The following DSN1 variants were observed in gnomAD, a reference collection of about 807,000 sequenced individuals.
The protein encoded by DSN1 is DSN1 component of MIS12 kinetochore complex, also known as kinetochore-associated protein DSN1 homolog.
In DSN1, 31 loss-of-function variants were observed where a neutral mutation model predicts 45.7. The ratio of observed to expected loss-of-function variants is 0.68; its 90% CI spans 0.51 to 0.92. DSN1 has a LOEUF of 0.92. DSN1 is among the 40% of genes least tolerant of loss of function. DSN1 has a pLI of 0.00. For missense variants in DSN1, 394 were observed against 414.2 expected (o/e 0.95, Z 0.42); for synonymous variants, 134 against 142.3 (o/e 0.94, Z 0.41).
chr20:36,770,772 T>C, intron 3 of DSN1, 101 bp downstream of exon 3: 2 of 1,325,344 alleles, frequency 1.5e-6, no homozygotes, highest in East Asian at 4.6e-5. Context: ...TCATGTCTAT[T>C]CTCCCACACT....
intron 6 of DSN1, 38 bp from the exon 7 acceptor site, chr20:36,758,655 G>T: frequency 6.4e-7 from 1 of 1,553,742 alleles, no homozygotes; most frequent in East Asian, 2.3e-5. Flanking sequence ...AATCTTTCAA[G>T]AAATATTTGC....
At chr20:36,771,350 G>T in intron 2 of DSN1, 75 bp downstream of exon 2, 2 of 1,528,222 alleles carry the variant, frequency 1.3e-6, no homozygotes, top group Non-Finnish European at 1.8e-6. Flanking sequence ...TCTACCAGGA[G>T]CCAGGAAAGA....
rs1986401307 is a variant in DSN1 at position 36,751,905 on chromosome 20, A to AGGT, written c.*880_*882dup. 7.4e-6 allele frequency: 1 copy of AGGT among 135,288 alleles called. No homozygotes were observed. Among genetic ancestry groups the AGGT allele is most frequent in the African/African-American group, 3.9e-5 (1 of 25,526 alleles). The allele number at this position is 135,288 out of a possible 1,614,324, so 8.4% of individuals were successfully genotyped here. A position where few individuals can be genotyped will look rare whatever the true frequency, so the allele number is the denominator to read the frequency against. On this transcript the variant is annotated 3_prime_UTR_variant, in exon 11 of 11. Transcript: ENST00000373750. Reference sequence around the variant, plus strand: ...CTTTCTTGTCATGAATCCAGGATTTAGGTCAACTCAATATGAAAAACTGAA... The same window carrying AGGT: ...CTTTCTTGTCATGAATCCAGGATTTAGGTGGTCAACTCAATATGAAAAACTGAA...
At chr20:36,758,066 T>C in intron 8 of DSN1, 21 bp downstream of exon 8, 1 of 1,608,704 alleles carries the variant, frequency 6.2e-7, no homozygotes, top group African/African-American at 1.3e-5. Context: ...TTAAAGAGTT[T>C]TTACAGTTCA....
Position 36,770,907 on chromosome 20 carries a change from C to A in DSN1, c.321G>T (p.Arg107=). 1 of 1,613,414 alleles carries A rather than the reference C, an allele frequency of 6.2e-7. No homozygotes were observed. Among genetic ancestry groups the A allele is most frequent in the Non-Finnish European group, 8.5e-7 (1 of 1,179,982 alleles). Reference sequence around the variant, plus strand: ...CCTGGTGAATGGGATGCAGCGACTTCCGCCGGTTCGTTTCTTTCATACTTG... The same window carrying A: ...CCTGGTGAATGGGATGCAGCGACTTACGCCGGTTCGTTTCTTTCATACTTG... The part of the protein sequence containing the change: ...RRASMKETNR[R]KSLHPIHQGI... The change falls in exon 3 of 11, where the codon CGG becomes CGT. Residue 107 remains arginine (R), a synonymous_variant. Coordinates refer to ENST00000373750, the MANE Select transcript of DSN1 (RefSeq NM_001145315.2).
intron 3 of DSN1, among the ~76,000 whole-genome samples, chr20:36,770,104 C>T (rs925634736): frequency 3.6e-4 from 54 of 152,026 alleles, no homozygotes; most frequent in African/African-American, 1.2e-3. Context: ...CTTACTTTGT[C>T]ACCCAGGATA....
In DSN1 at chr20:36,763,646, T is replaced by A. The variant is rs193009257; in HGVS notation, c.503-1098A>T. On this transcript the variant is annotated intron_variant, in intron 5 of 10. Transcript: ENST00000373750. ...GCTCATGCCTATAATCCCAGCACTT[T>A]GGGAGGCCAAGGCGGGCAGATCACG... is the stretch of plus-strand genomic sequence containing the variant. 7.1e-4 allele frequency among the ~76,000 whole-genome samples: 108 copies of A among 151,430 alleles called. 3 individuals are homozygous for A. The East Asian group carries it at 0.02, about 28-fold the overall frequency.
At chr20:36,753,955 G>A (rs1485680765) in intron 10 of DSN1, among the ~76,000 whole-genome samples, 17 of 150,402 alleles carry the variant, frequency 1.1e-4, no homozygotes, top group African/African-American at 3.7e-4. Flanking sequence ...GCAGTGAGCC[G>A]AGATCGCACC....
At chr20:36,758,266 G>C (rs1251755315) in intron 7 of DSN1, 105 bp from the exon 8 acceptor site, 4 of 1,092,034 alleles carry the variant, frequency 3.7e-6, no homozygotes, top group Non-Finnish European at 5.5e-6. Flanking sequence ...TGTAAAATGT[G>C]AGTTGACAGG....
rs905937611 is a variant in DSN1 at position 36,752,503 on chromosome 20, C to A, written c.*285G>T. 3.4e-6 allele frequency: 1 copy of A among 297,876 alleles called. No homozygotes were observed. The highest frequency in any genetic ancestry group is 2.2e-5 in the African/African-American group (1 of 46,154). 18.5% of individuals were successfully genotyped at this position (297,876 alleles called of 1,614,324 possible). On this transcript the variant is annotated 3_prime_UTR_variant, in exon 11 of 11. Coordinates refer to ENST00000373750, the MANE Select transcript of DSN1 (RefSeq NM_001145315.2). ...GATTGTTTCAAAACCTGAAAAACAC[C>A]TTCACAGGATAAAGATAAAAGAATG...
chr20:36,763,717 T>C (rs1344216084), intron 5 of DSN1, among the ~76,000 whole-genome samples: 3 of 151,170 alleles, frequency 2.0e-5, no homozygotes, highest in Non-Finnish European at 4.4e-5. Flanking sequence ...TGAAACCCCA[T>C]CTCTACTAAA....
intron 6 of DSN1, among the ~76,000 whole-genome samples, chr20:36,762,083 C>T (rs1160023759): frequency 1.4e-5 from 2 of 147,580 alleles, no homozygotes; most frequent in Non-Finnish European, 3.0e-5. Flanking sequence ...TATCTAATTA[C>T]AACAAAAGTC....
At chr20:36,768,706 T>C (rs1251579512) in intron 3 of DSN1, among the ~76,000 whole-genome samples, 2 of 152,204 alleles carry the variant, frequency 1.3e-5, no homozygotes, top group East Asian at 1.9e-4. Flanking sequence ...GGACAGGCAC[T>C]GCAATGTGCT....
At chr20:36,770,843 C>T in intron 3 of DSN1, 30 bp downstream of exon 3, 5 of 1,571,184 alleles carry the variant, frequency 3.2e-6, no homozygotes, top group South Asian at 1.2e-5. Flanking sequence ...TGAGCTGGAA[C>T]CTCACTGTCT....
rs1239506848 is a variant in DSN1 at position 36,773,747 on chromosome 20, A to G, written c.-101T>C. The G allele has an allele frequency of 1.4e-5, 14 of 985,392 alleles. No homozygotes were observed. Among genetic ancestry groups the G allele is most frequent in the Non-Finnish European group, 1.7e-5 (14 of 829,974 alleles). The allele number at this position is 985,392 out of a possible 1,614,324, so 61.0% of individuals were successfully genotyped here. A position where few individuals can be genotyped will look rare whatever the true frequency, so the allele number is the denominator to read the frequency against. ...CACCCGCAGCCGATACTCCCTGATC[A>G]GGGTGAAGCGGTCTCCACCTTCTAC... On this transcript the variant is annotated 5_prime_UTR_variant, in exon 1 of 11. Coordinates refer to ENST00000373750, the MANE Select transcript of DSN1 (RefSeq NM_001145315.2).
At position 36,763,885 on chromosome 20, in the gene DSN1, CAAAAAAAAAAAAAA is replaced by C. The variant is rs148628979; in HGVS notation, c.503-1351_503-1338del. On this transcript the variant is annotated intron_variant, in intron 5 of 10. Transcript: ENST00000373750. ...CTGGCAACAGAGCAAAACTCTGTCT[CAAAAAAAAAAAAAA>C]AAAAAAAAAAAAGAAAGACAGAAAA... 4.8e-4 allele frequency among the ~76,000 whole-genome samples: 18 copies of C among 37,464 alleles called. No homozygotes were observed. In the South Asian group the frequency reaches 0.03, roughly 61 times the overall value. The allele number at this position is 37,464 out of a possible 152,430, so 24.6% of individuals were successfully genotyped here.
At chr20:36,770,774 T>C in intron 3 of DSN1, 99 bp downstream of exon 3, 1 of 1,343,330 alleles carries the variant, frequency 7.4e-7, no homozygotes, top group Non-Finnish European at 1.0e-6. Context: ...ATGTCTATTC[T>C]CCCACACTTT....
At chr20:36,767,879 G>A in intron 4 of DSN1, 90 bp downstream of exon 4, 5 of 1,320,750 alleles carry the variant, frequency 3.8e-6, no homozygotes, top group South Asian at 1.2e-5. Flanking sequence ...TCCAGCCTGG[G>A]TGACAGAGTC....
chr20:36,773,487 G>A (rs1987757769), intron 1 of DSN1, 175 bp downstream of exon 1: 2 of 985,558 alleles, frequency 2.0e-6, no homozygotes, highest in Non-Finnish European at 2.4e-6. Context: ...TCACCCGGGA[G>A]GAGGTCGCAG....
Sources: allele counts gnomAD v4.1 joint callset (sites outside exome capture counted in the v4.1 genomes callset), GRCh38; gene constraint gnomAD v4.1.1; transcripts MANE v1.5; gene names NCBI Gene and HGNC (gene_info 2026-07-23, HGNC 2026-07-21).